Variants in KLHDC2 observed in about 807,000 individuals in gnomAD.
The protein encoded by KLHDC2 is kelch domain containing 2.
KLHDC2 carries 38 observed loss-of-function variants against 62.3 expected under a neutral mutation model. That is an observed-to-expected ratio of 0.61 (90% confidence interval 0.47 to 0.80). The LOEUF is 0.80. Among genes scored for constraint, KLHDC2 ranks in the 30% least tolerant of loss-of-function variants. The probability of loss-of-function intolerance (pLI) is 0.00; values close to 1 mark genes in which losing one functional copy is unlikely to be tolerated. For synonymous variants in KLHDC2, 159 were observed against 161.0 expected, an observed-to-expected ratio of 0.99 and a Z score of 0.09; for missense variants, 430 against 495.3, an observed-to-expected ratio of 0.87 and a Z score of 1.25.
chr14:49,769,983 CG>C lies in KLHDC2; in HGVS notation c.153+1369del, dbSNP rs1252837841. Among the ~76,000 whole-genome samples the C allele has an allele frequency of 1.3e-4, 5 of 38,420 alleles. 1 individual carries two copies. The East Asian group carries it at 4.9e-3, about 37-fold the overall frequency. 25.2% of individuals were successfully genotyped at this position (38,420 alleles called of 152,430 possible). A position where few individuals can be genotyped will look rare whatever the true frequency, so the allele number is the denominator to read the frequency against. On this transcript the variant is annotated intron_variant, in intron 1 of 12. Transcript: ENST00000298307. ...GGGTAGAGAATTGCAAGAAGGGGGG[CG>C]GGGGGGCAAGCATGTAGTCACCCTT...
At chr14:49,775,739 A>C (rs1313654275) in intron 3 of KLHDC2, among the ~76,000 whole-genome samples, 2 of 147,164 alleles carry the variant, frequency 1.4e-5, no homozygotes, top group Non-Finnish European at 3.0e-5. Flanking sequence ...TGATTCTCGT[A>C]CCTCAGCCTC....
At chr14:49,772,645 A>T (rs538693404) in intron 2 of KLHDC2, among the ~76,000 whole-genome samples, 2 of 152,146 alleles carry the variant, frequency 1.3e-5, no homozygotes, top group Non-Finnish European at 2.9e-5. Context: ...TAGATCTCAG[A>T]ATTAGCGTAG....
rs1355061595 is a variant in KLHDC2 at position 49,771,665 on chromosome 14, T to C, written c.225T>C (p.Thr75=). ...AACTATGGATCTACAACATGGAGAC[T>C]GGAAGATGGTAAATGTGGATATTAT... ...REELWIYNME[T]GRWKKINTEG... Residue 75 remains threonine, a synonymous_variant, in exon 2 of 13, where the codon ACT becomes ACC. Transcript: ENST00000298307. The C allele has an allele frequency of 1.3e-6, 2 of 1,481,716 alleles. No individual in the cohort carries two copies. The highest frequency in any genetic ancestry group is 4.5e-5 in the East Asian group (2 of 44,244). 91.8% of individuals were successfully genotyped at this position (1,481,716 alleles called of 1,614,324 possible). A position where few individuals can be genotyped will look rare whatever the true frequency, so the allele number is the denominator to read the frequency against.
chr14:49,784,949 T>C lies in KLHDC2; in HGVS notation c.*1996T>C, dbSNP rs1377527986. The C allele has an allele frequency of 6.2e-7, 1 of 1,613,906 alleles. No individual in the cohort carries two copies. The highest frequency in any genetic ancestry group is 8.5e-7 in the Non-Finnish European group (1 of 1,179,884). ...CCTTTACGCTGCGGAATAAGTCTTT[T>C]TCTCTTGCTGTTGCTTCTTTGGAAT... On this transcript the variant is annotated 3_prime_UTR_variant, in exon 13 of 13. Coordinates refer to ENST00000298307, the MANE Select transcript of KLHDC2 (RefSeq NM_014315.3).
At chr14:49,777,757 T>G in intron 3 of KLHDC2, 82 bp from the exon 4 acceptor site, 1 of 761,548 alleles carries the variant, frequency 1.3e-6, no homozygotes, top group South Asian at 1.8e-5. Context: ...GGCACTCTTA[T>G]CATAAATCAT....
chr14:49,768,300 C>A lies in KLHDC2; in HGVS notation c.-169C>A, dbSNP rs1326632222. 1 of 702,528 alleles carries A rather than the reference C, an allele frequency of 1.4e-6. No individual in the cohort carries two copies. Among genetic ancestry groups the A allele is most frequent in the Non-Finnish European group, 2.2e-6 (1 of 449,100 alleles). 43.5% of individuals were successfully genotyped at this position (702,528 alleles called of 1,614,324 possible). On this transcript the variant is annotated 5_prime_UTR_variant, in exon 1 of 13. Transcript: ENST00000298307. ...GCGGCGGCGGAGAGCCGTCCTCGGC[C>A]GAGGAGGCTGGGAAACGCGAGCGCA...
At chr14:49,776,155 A>G (rs977173866) in intron 3 of KLHDC2, among the ~76,000 whole-genome samples, 2 of 152,180 alleles carry the variant, frequency 1.3e-5, no homozygotes, top group African/African-American at 4.8e-5. Context: ...GCTTGAAGAA[A>G]GAGTTCTATG....
At chr14:49,772,741 T>A (rs952944086) in intron 2 of KLHDC2, among the ~76,000 whole-genome samples, 1 of 151,438 alleles carries the variant, frequency 6.6e-6, no homozygotes. Context: ...CAGCTCACCT[T>A]AGGTGAGGAG....
At chr14:49,772,388 A>C (rs1566633129) in intron 2 of KLHDC2, among the ~76,000 whole-genome samples, 1 of 152,230 alleles carries the variant, frequency 6.6e-6, no homozygotes, top group Non-Finnish European at 1.5e-5. Context: ...TTTGCATGCA[A>C]ATCTTTTTAA....
intron 1 of KLHDC2, among the ~76,000 whole-genome samples, chr14:49,770,699 G>C (rs1308222827): frequency 6.6e-6 from 1 of 152,168 alleles, no homozygotes. Flanking sequence ...CTACTTTTTA[G>C]GGTTGTTGTG....
chr14:49,780,338 A>C lies in KLHDC2; in HGVS notation c.883+16A>C. On this transcript the variant is annotated intron_variant, in intron 9 of 12. Transcript: ENST00000298307. Reference sequence around the variant, plus strand: ...CAGCCACTAAGTAAGTCCTTGAAAAATATGATAATGAAATCATCATATATC... The same window carrying C: ...CAGCCACTAAGTAAGTCCTTGAAAACTATGATAATGAAATCATCATATATC... 7.0e-7 allele frequency: 1 copy of C among 1,433,496 alleles called. No individual in the cohort carries two copies. Among genetic ancestry groups the C allele is most frequent in the Non-Finnish European group, 9.8e-7 (1 of 1,015,448 alleles). The allele number at this position is 1,433,496 out of a possible 1,614,324, so 88.8% of individuals were successfully genotyped here. A position where few individuals can be genotyped will look rare whatever the true frequency, so the allele number is the denominator to read the frequency against.
In KLHDC2 at chr14:49,782,921, A is replaced by T. The variant is rs1415360596; in HGVS notation, c.1189A>T (p.Arg397Trp). The T allele has an allele frequency of 1.2e-6, 2 of 1,613,374 alleles. No homozygotes were observed. The highest frequency in any genetic ancestry group is 4.5e-5 in the East Asian group (2 of 44,838). Residue 397 changes from arginine to tryptophan, a missense_variant, in exon 13 of 13, where the codon AGG becomes TGG. By Grantham distance (101) the Arg-to-Trp change is moderately radical. Coordinates refer to ENST00000298307, the MANE Select transcript of KLHDC2 (RefSeq NM_014315.3). ...PKHLLHSVNQRFGSNNTSGS is the reference protein window; with the variant it reads ...PKHLLHSVNQWFGSNNTSGS ...ACACTTACTTCACAGTGTTAATCAG[A>T]GGTTTGGTAGTAACAACACTTCTGG...
chr14:49,782,664 A>C (rs1889962315), intron 12 of KLHDC2, 70 bp downstream of exon 12: 2 of 1,401,206 alleles, frequency 1.4e-6, no homozygotes, highest in African/African-American at 1.4e-5. Context: ...ACTCTCGAAA[A>C]ACTAGGTTTA....
chr14:49,784,636 C>T lies in KLHDC2; in HGVS notation c.*1683C>T, dbSNP rs767021575. 1.9e-6 allele frequency: 3 copies of T among 1,602,232 alleles called. No individual in the cohort carries two copies. The African/African-American group carries it at 4.0e-5, about 21-fold the overall frequency. The stretch of plus-strand genomic sequence containing the variant: ...CAAATATTTTAGAATTTCATTTCAG[C>T]TATTTCCTTTTTACGTTCAGAAGAT... On this transcript the variant is annotated 3_prime_UTR_variant, in exon 13 of 13. Coordinates refer to ENST00000298307, the MANE Select transcript of KLHDC2 (RefSeq NM_014315.3).
Position 49,768,534 on chromosome 14 carries a change from G to C in KLHDC2, c.66G>C (p.Glu22Asp). The C allele has an allele frequency of 6.2e-7, 1 of 1,611,190 alleles. No individual in the cohort carries two copies. Among genetic ancestry groups the C allele is most frequent in the Non-Finnish European group, 8.5e-7 (1 of 1,179,082 alleles). The change falls in exon 1 of 13, where the codon GAG (glutamate) becomes GAC (aspartate). Residue 22 changes from glutamate to aspartate, a missense_variant. Physicochemically the swap from Glu to Asp is conservative, Grantham distance 45. Transcript: ENST00000298307. Reference protein sequence around the residue: ...DLPGPAFESYESMELACPAER... With the variant: ...DLPGPAFESYDSMELACPAER... ...CTGGGCCAGCCTTCGAGAGCTATGA[G>C]TCCATGGAGCTTGCCTGCCCCGCTG...
intron 6 of KLHDC2, 62 bp downstream of exon 6, chr14:49,778,556 T>TGG: frequency 2.3e-6 from 1 of 427,090 alleles, no homozygotes. Context: ...AGGGGTGGGG[T>TGG]AGGGGAGAGG....
intron 6 of KLHDC2, among the ~76,000 whole-genome samples, chr14:49,778,977 C>T (rs1889830229): frequency 6.6e-6 from 1 of 152,172 alleles, no homozygotes; most frequent in Non-Finnish European, 1.5e-5. Context: ...CCCACCTCGG[C>T]CTCCCAAAGT....
intron 12 of KLHDC2, 96 bp downstream of exon 12, chr14:49,782,690 C>T: frequency 7.5e-7 from 1 of 1,342,188 alleles, no homozygotes; most frequent in Non-Finnish European, 1.0e-6. Flanking sequence ...TATTTAAGGG[C>T]AATAAAACTT....
At chr14:49,776,384 T>TA (rs1396964341) in intron 3 of KLHDC2, among the ~76,000 whole-genome samples, 1 of 152,074 alleles carries the variant, frequency 6.6e-6, no homozygotes, top group Non-Finnish European at 1.5e-5. Flanking sequence ...CTCAGAGAAG[T>TA]AAAAAATATA....
Sources: gnomAD v4.1 joint callset for allele counts (sites outside exome capture counted in the v4.1 genomes callset) on GRCh38, gnomAD v4.1.1 for gene constraint, MANE v1.5 for transcripts, NCBI Gene and HGNC (gene_info 2026-07-23, HGNC 2026-07-21) for gene names.